The following EEA1 variants were observed in gnomAD, a reference collection of about 807,000 sequenced individuals.
EEA1 encodes early endosome antigen 1.
In EEA1, 111 loss-of-function variants were observed where a neutral mutation model predicts 209.2. The observed-to-expected ratio is 0.53, with a 90% CI of 0.45 to 0.62. EEA1 has a LOEUF of 0.62. Among genes scored for constraint, EEA1 ranks in the 20% least tolerant of loss-of-function variants. EEA1 has a pLI of 0.00. For missense variants in EEA1, 1,343 were observed against 1,530.8 expected, an observed-to-expected ratio of 0.88 and a Z score of 2.05; for synonymous variants, 536 against 540.6, an observed-to-expected ratio of 0.99 and a Z score of 0.12.
rs192639439 is a variant in EEA1 at position 92,779,095 on chromosome 12, C to T, written c.3654+20G>A. 637 of 1,584,470 alleles carry T rather than the reference C, an allele frequency of 4.0e-4. 3 individuals carry two copies. The highest frequency in any genetic ancestry group is 6.8e-6 in the Non-Finnish European group (8 of 1,169,922). On this transcript the variant is annotated intron_variant, in intron 25 of 28. Transcript: ENST00000322349. ...TAAAGCTCTACTGCAAAACACACTT[C>T]CCCCGATTAACTCACTGACCAACTT...
chr12:92,895,133 A>ATTTT (rs537064468), intron 1 of EEA1, among the ~76,000 whole-genome samples: 16 of 95,114 alleles, frequency 1.7e-4, no homozygotes, highest in South Asian at 3.8e-4. Flanking sequence ...GGATCACTGA[A>ATTTT]TTTTTTTTTT....
At chr12:92,822,138 G>A (rs553543967) in intron 13 of EEA1, among the ~76,000 whole-genome samples, 10 of 151,552 alleles carry the variant, frequency 6.6e-5, no homozygotes, top group Non-Finnish European at 1.5e-4. Context: ...CCGTTACCTC[G>A]TAGCTTCTTA....
intron 3 of EEA1, among the ~76,000 whole-genome samples, chr12:92,862,704 G>A (rs910900412): frequency 2.0e-5 from 3 of 152,034 alleles, no homozygotes; most frequent in Non-Finnish European, 1.5e-5. Context: ...TGAGATTTAA[G>A]GCCTAAAATA....
intron 3 of EEA1, among the ~76,000 whole-genome samples, chr12:92,861,030 C>T (rs746166742): frequency 1.3e-5 from 2 of 152,206 alleles, no homozygotes; most frequent in African/African-American, 2.4e-5. Context: ...GTATGACATG[C>T]TCTTTCCTGT....
chr12:92,896,149 T>C (rs2136759584), intron 1 of EEA1, among the ~76,000 whole-genome samples: 1 of 152,126 alleles, frequency 6.6e-6, no homozygotes, highest in South Asian at 2.1e-4. Flanking sequence ...AATTTTTGTA[T>C]TTTTAGTAGA....
At chr12:92,788,127 T>G in intron 21 of EEA1, 78 bp from the exon 22 acceptor site, 1 of 1,248,004 alleles carries the variant, frequency 8.0e-7, no homozygotes, top group South Asian at 2.2e-5. Flanking sequence ...TCCAGACAAC[T>G]AGAAGAAAAT....
chr12:92,893,345 G>T (rs948956218), intron 1 of EEA1, among the ~76,000 whole-genome samples: 3 of 152,142 alleles, frequency 2.0e-5, no homozygotes, highest in Non-Finnish European at 2.9e-5. Context: ...ATTGCCCAAG[G>T]TCAGATGGGT....
intron 5 of EEA1, among the ~76,000 whole-genome samples, chr12:92,854,955 C>G (rs1383580159): frequency 2.0e-5 from 3 of 152,116 alleles, no homozygotes; most frequent in Non-Finnish European, 4.4e-5. Flanking sequence ...TTATTTCTCT[C>G]CCTTTTAAGC....
intron 13 of EEA1, chr12:92,821,023 T>G (rs1226781928): frequency 6.6e-6 from 1 of 152,136 alleles, no homozygotes; most frequent in Non-Finnish European, 1.5e-5. Flanking sequence ...ACTCTCTACT[T>G]TTTGTTGCTA....
rs1173589873 is a variant in EEA1 at position 92,891,690 on chromosome 12, T to C, written c.56A>G (p.Asp19Gly). ...TATAGGAGTTGCTGATGAATCTAAA[T>C]CAGAACCTTGAGAGCCAACTCTCCC... ...TPGRVGSQGSDLDSSATPINT... is the reference protein window; with the variant it reads ...TPGRVGSQGSGLDSSATPINT... The change falls in exon 2 of 29, where the codon GAT becomes GGT. Residue 19 changes from aspartate to glycine, a missense_variant. By Grantham distance (94) the Asp-to-Gly change is moderately conservative. Coordinates refer to ENST00000322349, the MANE Select transcript of EEA1 (RefSeq NM_003566.4). 1.2e-6 allele frequency: 2 copies of C among 1,611,006 alleles called. No individual in the cohort carries two copies. The highest frequency in any genetic ancestry group is 1.7e-6 in the Non-Finnish European group (2 of 1,179,244).
intron 9 of EEA1, among the ~76,000 whole-genome samples, chr12:92,848,487 AC>A (rs1877472331): frequency 6.6e-6 from 1 of 152,084 alleles, no homozygotes; most frequent in Non-Finnish European, 1.5e-5. Context: ...ATAAAGAAAA[AC>A]AAAAAAACTC....
At chr12:92,894,703 G>A (rs142313495) in intron 1 of EEA1, among the ~76,000 whole-genome samples, 1 of 152,340 alleles carries the variant, frequency 6.6e-6, no homozygotes, top group Admixed American at 6.5e-5. Context: ...TGGTTCATGG[G>A]ATTTAAGGAA....
chr12:92,783,951 G>T (rs1874017467), intron 22 of EEA1, among the ~76,000 whole-genome samples: 1 of 151,638 alleles, frequency 6.6e-6, no homozygotes, highest in Non-Finnish European at 1.5e-5. Flanking sequence ...AATAAATAAA[G>T]ATCTTATTTA....
At chr12:92,777,890 C>G (rs991707908) in intron 26 of EEA1, 51 bp downstream of exon 26, 1 of 1,530,550 alleles carries the variant, frequency 6.5e-7, no homozygotes, top group Non-Finnish European at 9.0e-7. Context: ...ATATGACAAT[C>G]TTTTTATCAC....
Position 92,858,356 on chromosome 12 carries a change from T to C in EEA1, c.246-871A>G, listed in dbSNP as rs1454038594. ...GTGAAGCTATTAAACACATTGGATA[T>C]GATGATTCTTCCAAAGGGTTTGACT... On this transcript the variant is annotated intron_variant, in intron 3 of 28. Coordinates refer to ENST00000322349, the MANE Select transcript of EEA1 (RefSeq NM_003566.4). The C allele has an allele frequency of 8.0e-6, 7 of 873,380 alleles. No homozygotes were observed. In the Admixed American group the frequency reaches 1.1e-4, roughly 13 times the overall value. 54.1% of individuals were successfully genotyped at this position (873,380 alleles called of 1,614,324 possible). A position where few individuals can be genotyped will look rare whatever the true frequency, so the allele number is the denominator to read the frequency against.
At chr12:92,840,046 G>A (rs770702493) in intron 10 of EEA1, among the ~76,000 whole-genome samples, 46 of 152,140 alleles carry the variant, frequency 3.0e-4, no homozygotes, top group Non-Finnish European at 6.3e-4. Flanking sequence ...CTACTTTCAA[G>A]CTCATACACA....
At chr12:92,892,398 T>G (rs1297942530) in intron 1 of EEA1, among the ~76,000 whole-genome samples, 1 of 151,794 alleles carries the variant, frequency 6.6e-6, no homozygotes, top group Non-Finnish European at 1.5e-5. Context: ...AGTCCACCAT[T>G]GTACTGTCAG....
chr12:92,847,310 G>A (rs968185992), intron 9 of EEA1, among the ~76,000 whole-genome samples: 10 of 151,982 alleles, frequency 6.6e-5, no homozygotes, highest in African/African-American at 2.4e-4. Flanking sequence ...TGTTTCTGAT[G>A]CCAATATTTA....
At chr12:92,850,469 C>T (rs960779211) in intron 9 of EEA1, among the ~76,000 whole-genome samples, 3 of 152,098 alleles carry the variant, frequency 2.0e-5, no homozygotes, top group East Asian at 1.9e-4. Flanking sequence ...ACAGGCAGAC[C>T]GTCTGAGGTC....
Sources: allele counts gnomAD v4.1 joint callset (sites outside exome capture counted in the v4.1 genomes callset), GRCh38; gene constraint gnomAD v4.1.1; transcripts MANE v1.5; gene names NCBI Gene and HGNC (gene_info 2026-07-23, HGNC 2026-07-21).